The following PLA2G5 variants were observed in gnomAD, a reference collection of about 807,000 sequenced individuals.
The protein encoded by PLA2G5 is phospholipase A2 group V.
PLA2G5 carries 12 observed loss-of-function variants against 15.9 expected under a neutral mutation model. That is an observed-to-expected ratio of 0.76 (90% CI 0.48 to 1.23). The LOEUF is 1.23. Among genes scored for constraint, PLA2G5 ranks in the 50% most tolerant of loss-of-function variants. The pLI, the probability that PLA2G5 is intolerant of heterozygous loss-of-function variation, is 0.00. For missense variants in PLA2G5, 169 were observed against 177.1 expected (o/e 0.95, Z 0.26); for synonymous variants, 71 against 71.4 (o/e 0.99, Z 0.03).
At chr1:20,061,801 T>C (rs939500378) in intron 2 of PLA2G5, among the ~76,000 whole-genome samples, 29 of 152,360 alleles carry the variant, frequency 1.9e-4, no homozygotes, top group African/African-American at 6.5e-4. Context: ...ATATTTGTAT[T>C]TGTGTATCTT....
At chr1:20,079,113 CAAAAAAAAA>C (rs5772882) in intron 1 of PLA2G5, among the ~76,000 whole-genome samples, 2 of 103,066 alleles carry the variant, frequency 1.9e-5, no homozygotes, top group African/African-American at 7.6e-5. Context: ...GACCCTGTCT[CAAAAAAAAA>C]AAAAAAAAAA....
At chr1:20,073,345 T>C (rs2100548223) in intron 1 of PLA2G5, among the ~76,000 whole-genome samples, 1 of 152,326 alleles carries the variant, frequency 6.6e-6, no homozygotes, top group African/African-American at 2.4e-5. Context: ...TGGATTGCCT[T>C]CTTAGCCAAA....
chr1:20,069,431 G>T (rs1166688097), upstream of PLA2G5, among the ~76,000 whole-genome samples: 3 of 152,136 alleles, frequency 2.0e-5, no homozygotes, highest in Admixed American at 6.6e-5. Context: ...CCAGCACTTT[G>T]GAAGGCTGAG....
At chr1:20,051,963 A>C (rs2014198269) in intron 1 of PLA2G5, among the ~76,000 whole-genome samples, 1 of 152,194 alleles carries the variant, frequency 6.6e-6, no homozygotes, top group East Asian at 1.9e-4. Flanking sequence ...GTTTTATCTG[A>C]GATTCCTTCT....
chr1:20,071,177 T>C (rs537671006), intron 1 of PLA2G5, among the ~76,000 whole-genome samples: 1 of 152,286 alleles, frequency 6.6e-6, no homozygotes, highest in East Asian at 1.9e-4. Flanking sequence ...CATATGATGG[T>C]AATATCTACC....
At position 20,046,558 on chromosome 1, in the gene PLA2G5, A is replaced by G. The variant is rs1179866220; in HGVS notation, n.277-13074A>G. Among the ~76,000 whole-genome samples, 15 of 152,202 alleles carry G rather than the reference A, an allele frequency of 9.9e-5. 1 individual carries two copies. The highest frequency in any genetic ancestry group is 9.8e-4 in the Admixed American group (15 of 15,284). On this transcript the variant is annotated intron_variant and non_coding_transcript_variant, in intron 1 of 6. Coordinates refer to the PLA2G5 transcript ENST00000460175. Reference sequence around the variant, plus strand: ...CTTTTAATGACTTGAACCCCTTTAAATAATTCAGAACAAAGGCACCAATCA... The same window carrying G: ...CTTTTAATGACTTGAACCCCTTTAAGTAATTCAGAACAAAGGCACCAATCA...
intron 1 of PLA2G5, among the ~76,000 whole-genome samples, chr1:20,042,196 G>T (rs1340301317): frequency 6.6e-6 from 1 of 152,136 alleles, no homozygotes; most frequent in African/African-American, 2.4e-5. Context: ...GGGACAGAAT[G>T]GTAGCCTCAA....
intron 1 of PLA2G5, among the ~76,000 whole-genome samples, chr1:20,053,932 C>A (rs182767836): frequency 6.6e-6 from 1 of 152,298 alleles, no homozygotes; most frequent in East Asian, 1.9e-4. Context: ...TATTAGTTAT[C>A]TATTGCTGTG....
chr1:20,045,560 T>A (rs1389469596), intron 1 of PLA2G5, among the ~76,000 whole-genome samples: 2 of 152,046 alleles, frequency 1.3e-5, no homozygotes, highest in Non-Finnish European at 2.9e-5. Flanking sequence ...GATTGAAGGG[T>A]GGCACCAAAA....
chr1:20,072,079 G>A (rs1175967310), intron 1 of PLA2G5, among the ~76,000 whole-genome samples: 1 of 137,974 alleles, frequency 7.2e-6, no homozygotes, highest in Non-Finnish European at 1.6e-5. Flanking sequence ...CTGCGCTCCA[G>A]CCTGGGGCAA....
In PLA2G5 at chr1:20,091,523, GA is replaced by G. The variant is rs11573293; in HGVS notation, c.*834del. Among the ~76,000 whole-genome samples the G allele has an allele frequency of 6.0e-3, 912 of 152,274 alleles. 12 individuals carry two copies. The highest frequency in any genetic ancestry group is 0.021 in the African/African-American group (870 of 41,542). ...CCTCTTTGACTTTCAGTCTCTTTGAGAAATAAACTGTCTTGTTCCTTGCAAT... is the reference window on the plus strand; with the variant it reads ...CCTCTTTGACTTTCAGTCTCTTTGAGAATAAACTGTCTTGTTCCTTGCAAT... On this transcript the variant is annotated 3_prime_UTR_variant, in exon 5 of 5. Transcript: ENST00000375108.
At chr1:20,049,272 T>C (rs1441451268) in intron 1 of PLA2G5, among the ~76,000 whole-genome samples, 1 of 152,182 alleles carries the variant, frequency 6.6e-6, no homozygotes, top group Non-Finnish European at 1.5e-5. Context: ...AGAGGATTTA[T>C]TTTAAAAAGC....
intron 1 of PLA2G5, among the ~76,000 whole-genome samples, chr1:20,077,363 GTCTA>G (rs1201289723): frequency 1.3e-5 from 2 of 152,168 alleles, no homozygotes; most frequent in Admixed American, 1.3e-4. Flanking sequence ...TCTATCATCT[GTCTA>G]TCTATCCATC....
rs570197858 is a variant in PLA2G5, at chr1:20,089,557, G to A, written c.186-232G>A. ...GTGGCCACACCTACTCGCAAGGGAG[G>A]CTGGGAAATGTAGTCTAGTCGTGAG... On this transcript the variant is annotated intron_variant, in intron 3 of 4. Coordinates refer to ENST00000375108, the MANE Select transcript of PLA2G5 (RefSeq NM_000929.3). 3.3e-5 allele frequency among the ~76,000 whole-genome samples: 5 copies of A among 152,324 alleles called. No homozygotes were observed. In the East Asian group the frequency reaches 7.7e-4, roughly 23 times the overall value.
intron 1 of PLA2G5, among the ~76,000 whole-genome samples, chr1:20,052,854 A>AT (rs1187338034): frequency 6.6e-6 from 1 of 152,170 alleles, no homozygotes; most frequent in Non-Finnish European, 1.5e-5. Flanking sequence ...AGATAAATGC[A>AT]TATCTGATTG....
At chr1:20,039,590 A>T (rs2013475104) in intron 1 of PLA2G5, among the ~76,000 whole-genome samples, 1 of 152,206 alleles carries the variant, frequency 6.6e-6, no homozygotes, top group African/African-American at 2.4e-5. Context: ...CAATTTACTT[A>T]GTCTGATTCT....
At chr1:20,089,260 T>G (rs763501802) in intron 3 of PLA2G5, among the ~76,000 whole-genome samples, 1 of 151,960 alleles carries the variant, frequency 6.6e-6, no homozygotes, top group Non-Finnish European at 1.5e-5. Context: ...ACATTTTCCA[T>G]CCATATTGGT....
At chr1:20,047,797 T>C in intron 1 of PLA2G5, among the ~76,000 whole-genome samples, 1 of 152,000 alleles carries the variant, frequency 6.6e-6, no homozygotes, top group Non-Finnish European at 1.5e-5. Flanking sequence ...TTTCTATAAT[T>C]TGATGTTTAA....
At position 20,077,542 on chromosome 1, in the gene PLA2G5, A is replaced by G. The variant is rs150593939; in HGVS notation, c.-11+7077A>G. Among the ~76,000 whole-genome samples the G allele has an allele frequency of 6.0e-3, 916 of 152,308 alleles. 15 individuals carry two copies. The highest frequency in any genetic ancestry group is 0.021 in the African/African-American group (864 of 41,564). On this transcript the variant is annotated intron_variant, in intron 1 of 4. Transcript: ENST00000375108. ...CGAAGCAGACGCAGAGCCTACCCTC[A>G]TGGAGTTCTCAGTTTACTGGAAAGA...
Sources: allele counts gnomAD v4.1 joint callset (sites outside exome capture counted in the v4.1 genomes callset), GRCh38; gene constraint gnomAD v4.1.1; transcripts MANE v1.5; gene names NCBI Gene and HGNC (gene_info 2026-07-23, HGNC 2026-07-21).